INPP4B: variants seen among roughly 807,000 people sequenced by gnomAD.
INPP4B encodes the protein inositol polyphosphate 4-phosphatase type II.
In INPP4B, 55 loss-of-function variants were observed where a neutral mutation model predicts 122.5. The ratio of observed to expected loss-of-function variants is 0.45; its 90% CI spans 0.36 to 0.56. INPP4B has a LOEUF of 0.56. Among genes scored for constraint, INPP4B ranks in the 20% least tolerant of loss-of-function variants. The probability of loss-of-function intolerance (pLI) is 0.00; values close to 1 mark genes in which losing one functional copy is unlikely to be tolerated. For synonymous variants in INPP4B, 403 were observed against 388.7 expected (o/e 1.04, Z -0.43); for missense variants, 1,000 against 1,097.7 (o/e 0.91, Z 1.26).
chr4:142,528,063 C>T (rs1036645798), intron 2 of INPP4B, among the ~76,000 whole-genome samples: 4 of 151,892 alleles, frequency 2.6e-5, no homozygotes, highest in Non-Finnish European at 4.4e-5. Flanking sequence ...AAAATTATTG[C>T]TTTTATTGTC....
At chr4:142,560,155 G>A (rs764920006) in intron 2 of INPP4B, among the ~76,000 whole-genome samples, 9 of 152,284 alleles carry the variant, frequency 5.9e-5, no homozygotes, top group Non-Finnish European at 8.8e-5. Context: ...GAAGTGAGGC[G>A]CTATAGTGAG....
intron 7 of INPP4B, among the ~76,000 whole-genome samples, chr4:142,332,427 C>T (rs1195468067): frequency 6.6e-6 from 1 of 151,208 alleles, no homozygotes; most frequent in African/African-American, 2.4e-5. Flanking sequence ...GATAGAAAAG[C>T]ATTAAAGGCT....
At chr4:142,645,996 A>AGTGATT (rs1380315235) in intron 2 of INPP4B, among the ~76,000 whole-genome samples, 1 of 152,210 alleles carries the variant, frequency 6.6e-6, no homozygotes, top group East Asian at 1.9e-4. Context: ...ATATGCAGTT[A>AGTGATT]GTGATTCTAT....
At chr4:142,064,568 T>C (rs1762538321) in intron 25 of INPP4B, among the ~76,000 whole-genome samples, 1 of 152,202 alleles carries the variant, frequency 6.6e-6, no homozygotes, top group Non-Finnish European at 1.5e-5. Context: ...ATAAATCTAT[T>C]TCAAGAGCAG....
chr4:142,728,511 T>C (rs1765622610), intron 1 of INPP4B, among the ~76,000 whole-genome samples: 1 of 152,176 alleles, frequency 6.6e-6, no homozygotes, highest in Non-Finnish European at 1.5e-5. Context: ...GATGAGGTTA[T>C]GCTAGAATAA....
At position 142,681,610 on chromosome 4, in the gene INPP4B, G is replaced by A. The variant is rs1031721979; in HGVS notation, c.-191+44229C>T. Among the ~76,000 whole-genome samples the A allele has an allele frequency of 5.9e-5, 9 of 151,278 alleles. No individual in the cohort carries two copies. In the East Asian group the frequency reaches 1.6e-3, roughly 26 times the overall value. ...TAGAAGAGGAAGGGAGAGTGACAGA[G>A]GAAGGGAAGAAAGAAAGAAAGAAAA... On this transcript the variant is annotated intron_variant, in intron 2 of 25. Coordinates refer to ENST00000262992, the MANE Select transcript of INPP4B (RefSeq NM_001101669.3).
intron 18 of INPP4B, among the ~76,000 whole-genome samples, chr4:142,127,431 C>A (rs776561672): frequency 3.3e-5 from 5 of 151,488 alleles, no homozygotes; most frequent in South Asian, 2.1e-4. Flanking sequence ...CTTATTTAAC[C>A]AGTTGATTCT....
intron 9 of INPP4B, among the ~76,000 whole-genome samples, chr4:142,304,584 G>T (rs1223073130): frequency 6.6e-6 from 1 of 152,044 alleles, no homozygotes; most frequent in Non-Finnish European, 1.5e-5. Flanking sequence ...ATAAATTGTT[G>T]GTTATAAGTG....
chr4:142,303,310 A>G (rs935190864), intron 9 of INPP4B, among the ~76,000 whole-genome samples: 1 of 152,176 alleles, frequency 6.6e-6, no homozygotes, highest in Admixed American at 6.6e-5. Context: ...GGGGAAGCTA[A>G]AATTAACCAT....
intron 2 of INPP4B, among the ~76,000 whole-genome samples, chr4:142,647,882 T>C (rs72726493): frequency 2.6e-5 from 4 of 152,380 alleles, no homozygotes; most frequent in Non-Finnish European, 5.9e-5. Flanking sequence ...TTACTTTCTT[T>C]TGTTCTACCG....
chr4:142,269,018 T>G (rs979290214), intron 10 of INPP4B, among the ~76,000 whole-genome samples: 6 of 152,110 alleles, frequency 3.9e-5, no homozygotes, highest in Non-Finnish European at 8.8e-5. Context: ...ATAGCCTTAA[T>G]ACAGAGTTTT....
At chr4:142,102,751 T>C (rs2152655015) in intron 23 of INPP4B, among the ~76,000 whole-genome samples, 1 of 152,154 alleles carries the variant, frequency 6.6e-6, no homozygotes, top group Middle Eastern at 3.4e-3. Flanking sequence ...TCCTCTTCTG[T>C]CTTACGACTT....
In INPP4B at chr4:142,431,295, TCTTGTCC is replaced by T; in HGVS notation, c.-43_-37del. Reference sequence around the variant, plus strand: ...CACAGTTTTAAAATTTTCCAAATTTTCTTGTCCAAATGTCAGTTCTAGTGATTCCTGG... The same window carrying T: ...CACAGTTTTAAAATTTTCCAAATTTTAAATGTCAGTTCTAGTGATTCCTGG... On this transcript the variant is annotated 5_prime_UTR_variant, in exon 4 of 26. Coordinates refer to ENST00000262992, the MANE Select transcript of INPP4B (RefSeq NM_001101669.3). 1 of 1,523,678 alleles carries T rather than the reference TCTTGTCC, an allele frequency of 6.6e-7. No homozygotes were observed. Among genetic ancestry groups the T allele is most frequent in the Non-Finnish European group, 9.1e-7 (1 of 1,098,804 alleles). The allele number at this position is 1,523,678 out of a possible 1,614,324, so 94.4% of individuals were successfully genotyped here. A position where few individuals can be genotyped will look rare whatever the true frequency, so the allele number is the denominator to read the frequency against.
intron 1 of INPP4B, among the ~76,000 whole-genome samples, chr4:142,835,539 T>A (rs1445652955): frequency 6.6e-6 from 1 of 152,178 alleles, no homozygotes; most frequent in East Asian, 1.9e-4. Context: ...CCCAAATACA[T>A]GAACTAGAGT....
chr4:142,610,901 G>A (rs1347157941), intron 2 of INPP4B, among the ~76,000 whole-genome samples: 7 of 152,158 alleles, frequency 4.6e-5, no homozygotes, highest in Non-Finnish European at 8.8e-5. Context: ...GGATTTTGAT[G>A]CTGAAACCTT....
intron 25 of INPP4B, among the ~76,000 whole-genome samples, chr4:142,073,641 A>C (rs556651389): frequency 3.3e-5 from 5 of 152,238 alleles, no homozygotes; most frequent in Non-Finnish European, 5.9e-5. Context: ...GGACAAACAT[A>C]ATAGGCATAT....
chr4:142,751,556 T>C (rs1224535981), intron 1 of INPP4B, among the ~76,000 whole-genome samples: 1 of 152,020 alleles, frequency 6.6e-6, no homozygotes, highest in Admixed American at 6.6e-5. Context: ...GCAGTAACAC[T>C]CTGCTTTTTA....
intron 9 of INPP4B, among the ~76,000 whole-genome samples, chr4:142,295,361 T>G (rs1381869055): frequency 6.6e-6 from 1 of 152,116 alleles, no homozygotes; most frequent in Non-Finnish European, 1.5e-5. Context: ...AGCACCTGCA[T>G]GTGGATGGAG....
At chr4:142,273,312 T>G (rs1190242309) in intron 9 of INPP4B, among the ~76,000 whole-genome samples, 1 of 151,922 alleles carries the variant, frequency 6.6e-6, no homozygotes, top group African/African-American at 2.4e-5. Context: ...TGTATTAAAT[T>G]ATATTTAATT....
Sources: gnomAD v4.1 joint callset for allele counts (sites outside exome capture counted in the v4.1 genomes callset) on GRCh38, gnomAD v4.1.1 for gene constraint, MANE v1.5 for transcripts, NCBI Gene and HGNC (gene_info 2026-07-23, HGNC 2026-07-21) for gene names.